The following RNF19B variants were observed in gnomAD, a reference collection of about 807,000 sequenced individuals.
RNF19B encodes the protein ring finger protein 19B.
In RNF19B, 23 loss-of-function variants were observed where a neutral mutation model predicts 65.5. The observed-to-expected ratio is 0.35, with a 90% CI of 0.25 to 0.50. The LOEUF (loss-of-function observed/expected upper bound fraction) is 0.50. Among genes scored for constraint, RNF19B ranks in the 20% least tolerant of loss-of-function variants. The probability of loss-of-function intolerance (pLI) is 0.98; values close to 1 mark genes in which losing one functional copy is unlikely to be tolerated. For missense variants in RNF19B, 794 were observed against 980.0 expected, an observed-to-expected ratio of 0.81 and a Z score of 2.53; for synonymous variants, 372 against 379.6, an observed-to-expected ratio of 0.98 and a Z score of 0.23.
intron 7 of RNF19B, among the ~76,000 whole-genome samples, chr1:32,939,567 C>A (rs1300055977): frequency 6.6e-6 from 1 of 152,196 alleles, no homozygotes; most frequent in Non-Finnish European, 1.5e-5. Context: ...CTGCCTTGCA[C>A]ATAATAGGAA....
chr1:32,937,292 G>C, intron 8 of RNF19B, 33 bp from the exon 9 acceptor site: 1 of 1,612,098 alleles, frequency 6.2e-7, no homozygotes, highest in Non-Finnish European at 8.5e-7. Context: ...GCTGAGTCAT[G>C]CATGGATCAT....
At chr1:32,930,982 G>C in the RNF19B span, among the ~76,000 whole-genome samples, 1 of 152,092 alleles carries the variant, frequency 6.6e-6, no homozygotes, top group Non-Finnish European at 1.5e-5. Flanking sequence ...CAGCTACTTG[G>C]GAGGCTGAGG....
At chr1:32,962,532 A>G (rs1264713635) in intron 1 of RNF19B, among the ~76,000 whole-genome samples, 3 of 152,228 alleles carry the variant, frequency 2.0e-5, no homozygotes, top group Non-Finnish European at 4.4e-5. Flanking sequence ...CAAGTTTGGC[A>G]GAATTAAAAA....
chr1:32,964,263 C>G lies in RNF19B; in HGVS notation c.423G>C (p.Ser141=). The G allele has an allele frequency of 6.5e-7, 1 of 1,540,390 alleles. No homozygotes were observed. The change falls in exon 1 of 9, where the codon TCG becomes TCC. Residue 141 remains serine (S), a synonymous_variant. Transcript: ENST00000235150. This position sits in a 1 kb window ranked among gnomAD's most constrained non-coding sequence, Gnocchi z 6.5. ...APRLLSCPHR[S]CRDCLRHYLR... ...GGTAGTGGCGGAGGCAGTCCCGGCA[C>G]GAGCGGTGCGGACAGCTGAGGAGGC...
downstream of RNF19B, among the ~76,000 whole-genome samples, chr1:32,932,240 G>A (rs1180328377): frequency 6.6e-6 from 1 of 152,174 alleles, no homozygotes; most frequent in East Asian, 1.9e-4. Context: ...GCAATTAGGA[G>A]GCCACTACAG....
intron 1 of RNF19B, among the ~76,000 whole-genome samples, chr1:32,954,155 T>A (rs194653): frequency 6.6e-6 from 1 of 150,902 alleles, no homozygotes; most frequent in Non-Finnish European, 1.5e-5. Flanking sequence ...CAAGTGATCC[T>A]CCTGCCTCAG....
intron 1 of RNF19B, among the ~76,000 whole-genome samples, chr1:32,960,046 G>A (rs1037963777): frequency 2.7e-5 from 4 of 150,646 alleles, no homozygotes; most frequent in Admixed American, 6.6e-5. Context: ...GCGAGACTCC[G>A]TCTCAAAAAA....
At position 32,944,383 on chromosome 1, in the gene RNF19B, T is replaced by C. The variant is rs575873955; in HGVS notation, c.1262-224A>G. Among the ~76,000 whole-genome samples, 25 of 152,332 alleles carry C rather than the reference T, an allele frequency of 1.6e-4. No individual in the cohort carries two copies. In the East Asian group the frequency reaches 4.6e-3, roughly 28 times the overall value. On this transcript the variant is annotated intron_variant, in intron 5 of 8. Transcript: ENST00000235150. ...TTTACTAGCTGTATAACCTTGGACC[T>C]ATCTTCCCAGGGTTGTCAATAATCA...
chr1:32,935,025 T>G (rs572230078), downstream of RNF19B, among the ~76,000 whole-genome samples: 1 of 148,988 alleles, frequency 6.7e-6, no homozygotes, highest in East Asian at 2.0e-4. Context: ...AGAGACGGGG[T>G]TTCACCATGT....
chr1:32,950,765 G>A (rs1039496003), intron 1 of RNF19B, among the ~76,000 whole-genome samples: 2 of 151,782 alleles, frequency 1.3e-5, no homozygotes, highest in African/African-American at 2.4e-5. Flanking sequence ...GCAAACTTCC[G>A]GGCTCAATCA....
chr1:32,964,206 G>A lies in RNF19B; in HGVS notation c.480C>T (p.Pro160=), dbSNP rs552667791. The stretch of plus-strand genomic sequence containing the variant: ...GCTCGCTGCACTCGGGGCAGCTGAT[G>A]GGCACCCTGCTCTCGCTTATCTCCA... ...LRLEISESRV[P]ISCPECSERL... Residue 160 remains proline, a synonymous_variant, in exon 1 of 9, where the codon CCC becomes CCT. Transcript: ENST00000235150. This position sits in a 1 kb window ranked among gnomAD's most constrained non-coding sequence, Gnocchi z 6.5. 3 of 1,546,724 alleles carry A rather than the reference G, an allele frequency of 1.9e-6. No homozygotes were observed. Among genetic ancestry groups the A allele is most frequent in the African/African-American group, 1.4e-5 (1 of 72,380 alleles).
intron 3 of RNF19B, among the ~76,000 whole-genome samples, chr1:32,946,783 A>G (rs1298065357): frequency 6.6e-6 from 1 of 152,234 alleles, no homozygotes; most frequent in Non-Finnish European, 1.5e-5. Flanking sequence ...ACAGGCTTCC[A>G]GACTTGAAAT....
intron 5 of RNF19B, among the ~76,000 whole-genome samples, chr1:32,944,930 C>T (rs1255807499): frequency 1.3e-5 from 2 of 152,174 alleles, no homozygotes; most frequent in South Asian, 2.1e-4. Context: ...CCTCGTGATC[C>T]GCCCGCCTCG....
At chr1:32,963,652 A>G (rs1642824850) in intron 1 of RNF19B, among the ~76,000 whole-genome samples, 1 of 147,708 alleles carries the variant, frequency 6.8e-6, no homozygotes, top group South Asian at 2.2e-4. Flanking sequence ...TGAGAGGCGG[A>G]GGTTGCAGTG....
Position 32,964,710 on chromosome 1 carries a change from G to A in RNF19B, c.-25C>T. 5.6e-6 allele frequency: 8 copies of A among 1,416,610 alleles called. No individual in the cohort carries two copies. Among genetic ancestry groups the A allele is most frequent in the Non-Finnish European group, 7.3e-6 (8 of 1,090,376 alleles). The allele number at this position is 1,416,610 out of a possible 1,614,324, so 87.8% of individuals were successfully genotyped here. A position where few individuals can be genotyped will look rare whatever the true frequency, so the allele number is the denominator to read the frequency against. Reference sequence around the variant, plus strand: ...TGGCCGGCAGAGGCCGAGGAGCCAGGGGCGCCCAGCGCCGCCACAGCTCCC... The same window carrying A: ...TGGCCGGCAGAGGCCGAGGAGCCAGAGGCGCCCAGCGCCGCCACAGCTCCC... On this transcript the variant is annotated 5_prime_UTR_variant, in exon 1 of 9. Transcript: ENST00000235150. This position sits in a 1 kb window ranked among gnomAD's most constrained non-coding sequence, Gnocchi z 6.5.
chr1:32,951,059 G>A (rs540682418), intron 1 of RNF19B, among the ~76,000 whole-genome samples: 1 of 151,576 alleles, frequency 6.6e-6, no homozygotes, highest in African/African-American at 2.4e-5. Context: ...GGATGGTCTC[G>A]ATCTCTTGAC....
intron 1 of RNF19B, among the ~76,000 whole-genome samples, chr1:32,955,881 T>G (rs942024569): frequency 6.6e-6 from 1 of 152,126 alleles, no homozygotes; most frequent in African/African-American, 2.4e-5. Context: ...AACCAATCAG[T>G]CAGGCTTGCT....
At chr1:32,941,000 A>C (rs1434587207) in intron 7 of RNF19B, among the ~76,000 whole-genome samples, 1 of 152,172 alleles carries the variant, frequency 6.6e-6, no homozygotes, top group East Asian at 1.9e-4. Context: ...AGTTGGGAGG[A>C]TGGCTTCAGG....
At chr1:32,951,632 T>C (rs1220813547) in intron 1 of RNF19B, among the ~76,000 whole-genome samples, 2 of 152,236 alleles carry the variant, frequency 1.3e-5, no homozygotes, top group African/African-American at 2.4e-5. Context: ...TAAAGACTTA[T>C]GATCAGCATC....
Sources: allele counts gnomAD v4.1 joint callset (sites outside exome capture counted in the v4.1 genomes callset), GRCh38; gene constraint gnomAD v4.1.1; non-coding constraint Gnocchi (gnomAD v3.1); transcripts MANE v1.5; gene names NCBI Gene and HGNC (gene_info 2026-07-23, HGNC 2026-07-21).